The following TUT7 variants were observed in gnomAD, a reference collection of about 807,000 sequenced individuals.
The protein encoded by TUT7 is terminal uridylyltransferase 7.
TUT7 carries 33 observed loss-of-function variants against 165.9 expected under a neutral mutation model. The ratio of observed to expected loss-of-function variants is 0.20; its 90% CI spans 0.15 to 0.27. The LOEUF is 0.27. TUT7 is among the 10% of genes least tolerant of loss of function. The pLI, the probability that TUT7 is intolerant of heterozygous loss-of-function variation, is 1.00. For synonymous variants in TUT7, 552 were observed against 608.1 expected, an observed-to-expected ratio of 0.91 and a Z score of 1.36; for missense variants, 1,338 against 1,762.3, an observed-to-expected ratio of 0.76 and a Z score of 4.31.
intron 16 of TUT7, among the ~76,000 whole-genome samples, chr9:86,318,191 G>C (rs766833207): frequency 9.2e-5 from 14 of 152,170 alleles, no homozygotes; most frequent in Non-Finnish European, 1.6e-4. Flanking sequence ...GCACTTCCTA[G>C]ACTTTATACC....
chr9:86,305,320 C>G (rs1464696452), intron 22 of TUT7, 81 bp from the exon 23 acceptor site: 5 of 942,190 alleles, frequency 5.3e-6, no homozygotes, highest in Non-Finnish European at 8.0e-6. Context: ...GTTCATAAAA[C>G]AAGACAAGAA....
intron 26 of TUT7, among the ~76,000 whole-genome samples, chr9:86,295,941 T>A (rs1252793603): frequency 6.6e-6 from 1 of 152,220 alleles, no homozygotes; most frequent in Non-Finnish European, 1.5e-5. Flanking sequence ...TTTCTGAGAT[T>A]CTCATACTGA....
chr9:86,348,561 T>C (rs1054595083), intron 2 of TUT7, among the ~76,000 whole-genome samples: 5 of 152,026 alleles, frequency 3.3e-5, no homozygotes, highest in Non-Finnish European at 2.9e-5. Flanking sequence ...AAGACCAGCC[T>C]GGACAACATA....
rs1028784754 is a variant in TUT7, at chr9:86,304,943, T to G, written c.3891A>C (p.Thr1297=). ...NLGAGLSRKM[T]NFIMKAFING... ...TGATAAAAGCCTTCATTATAAAATT[T>G]GTCACTAAAAAGAAGAGTAAGAACT... Residue 1297 remains threonine (T), a synonymous_variant, in exon 24 of 27, where the codon ACA becomes ACC. Transcript: ENST00000375963. 2 of 1,602,172 alleles carry G rather than the reference T, an allele frequency of 1.2e-6. No individual in the cohort carries two copies. Among genetic ancestry groups the G allele is most frequent in the African/African-American group, 1.3e-5 (1 of 74,362 alleles).
At chr9:86,310,069 T>TA in intron 18 of TUT7, 52 bp from the exon 19 acceptor site, 2 of 1,341,758 alleles carry the variant, frequency 1.5e-6, no homozygotes, top group Non-Finnish European at 2.0e-6. Flanking sequence ...GTAAAGGGTC[T>TA]CTTTTTTTTT....
chr9:86,310,732 C>T lies in TUT7; in HGVS notation c.3352G>A (p.Val1118Ile). The T allele has an allele frequency of 1.2e-6, 2 of 1,611,466 alleles. No individual in the cohort carries two copies. The highest frequency in any genetic ancestry group is 1.7e-6 in the Non-Finnish European group (2 of 1,177,630). ...KFFHLRSGLEVDISLYNTLAL... is the reference protein window; with the variant it reads ...KFFHLRSGLEIDISLYNTLAL... ...AATGTGTTATACAAACTGATATCTA[C>T]TTCCAGACCACTTCTCAAATGGAAG... Residue 1118 changes from valine to isoleucine, a missense_variant, in exon 18 of 27, where the codon GTA becomes ATA. Physicochemically the swap from Val to Ile is conservative, Grantham distance 29. This residue lies in a region of TUT7 where 157 missense variants were observed against 357.5 expected (regional missense o/e 0.44). Transcript: ENST00000375963.
intron 10 of TUT7, among the ~76,000 whole-genome samples, chr9:86,333,659 C>T (rs748619891): frequency 6.6e-6 from 1 of 152,144 alleles, no homozygotes; most frequent in Non-Finnish European, 1.5e-5. Context: ...GCATATTAAT[C>T]ATTATTATTT....
At chr9:86,309,405 G>T in intron 20 of TUT7, 58 bp downstream of exon 20, 1 of 1,504,822 alleles carries the variant, frequency 6.6e-7, no homozygotes. Flanking sequence ...TAGAGGAGGA[G>T]AAAGGCTCAG....
intron 26 of TUT7, among the ~76,000 whole-genome samples, chr9:86,292,504 C>T (rs2131257259): frequency 6.7e-6 from 1 of 150,326 alleles, no homozygotes; most frequent in African/African-American, 2.4e-5. Context: ...GACTTAACCT[C>T]ATAATAATGG....
At chr9:86,328,315 C>A (rs1587955107) in intron 11 of TUT7, 25 bp downstream of exon 11, 1 of 1,535,590 alleles carries the variant, frequency 6.5e-7, no homozygotes, top group Non-Finnish European at 8.8e-7. Flanking sequence ...GTGAAACTGA[C>A]AACTAGAAAC....
intron 11 of TUT7, 28 bp from the exon 12 acceptor site, chr9:86,325,542 G>A (rs1361073964): frequency 6.3e-7 from 1 of 1,578,096 alleles, no homozygotes; most frequent in African/African-American, 1.4e-5. Flanking sequence ...AAACATACAG[G>A]TTATTTCAGA....
intron 2 of TUT7, among the ~76,000 whole-genome samples, chr9:86,348,085 T>C (rs929312968): frequency 1.4e-4 from 21 of 152,214 alleles, no homozygotes; most frequent in African/African-American, 4.8e-4. Flanking sequence ...CAGTAAGTGA[T>C]AGGGAACCGA....
At chr9:86,334,768 T>C (rs1484366797) in intron 10 of TUT7, among the ~76,000 whole-genome samples, 1 of 152,158 alleles carries the variant, frequency 6.6e-6, no homozygotes, top group Non-Finnish European at 1.5e-5. Flanking sequence ...TTATCTGTTA[T>C]CTTTCCTTTC....
chr9:86,294,249 C>T (rs1367946220), intron 26 of TUT7, among the ~76,000 whole-genome samples: 1 of 139,948 alleles, frequency 7.1e-6, no homozygotes, highest in Non-Finnish European at 1.5e-5. Context: ...CCAGCCAAAT[C>T]CTACTGTGGT....
intron 17 of TUT7, among the ~76,000 whole-genome samples, chr9:86,316,756 A>G (rs1828760769): frequency 6.6e-6 from 1 of 152,212 alleles, no homozygotes; most frequent in Middle Eastern, 3.2e-3. Flanking sequence ...CAATTATTCT[A>G]TGAATGAGCC....
chr9:86,304,989 A>G lies in TUT7; in HGVS notation c.3887-42T>C, dbSNP rs1268776857. On this transcript the variant is annotated intron_variant, in intron 23 of 26. Transcript: ENST00000375963. Reference sequence around the variant, plus strand: ...GAACTCACTTAGGCGGGTTAAAAGGAAAAGAGATTGTATTACAAATGACAA... The same window carrying G: ...GAACTCACTTAGGCGGGTTAAAAGGGAAAGAGATTGTATTACAAATGACAA... 2.1e-6 allele frequency: 3 copies of G among 1,431,850 alleles called. No individual in the cohort carries two copies. In the South Asian group the frequency reaches 3.6e-5, roughly 17 times the overall value. The allele number at this position is 1,431,850 out of a possible 1,614,324, so 88.7% of individuals were successfully genotyped here.
At chr9:86,324,676 A>G (rs768385012) in intron 12 of TUT7, 1 of 152,260 alleles carries the variant, frequency 6.6e-6, no homozygotes, top group Non-Finnish European at 1.5e-5. Context: ...AAATTATTTA[A>G]AGGAGGAGAA....
In TUT7 at chr9:86,288,203, C is replaced by T. The variant is rs1409502097; in HGVS notation, c.*474G>A. ...AAATGATGTCCGTAAATCGGAAGTA[C>T]AGCAGTAGCAGTTCATACATATCTG... is the stretch of plus-strand genomic sequence containing the variant. On this transcript the variant is annotated 3_prime_UTR_variant, in exon 27 of 27. Transcript: ENST00000375963. 2 of 152,366 alleles carry T rather than the reference C, an allele frequency of 1.3e-5. No homozygotes were observed. Among genetic ancestry groups the T allele is most frequent in the Non-Finnish European group, 2.9e-5 (2 of 68,178 alleles). The allele number at this position is 152,366 out of a possible 1,614,324, so 9.4% of individuals were successfully genotyped here.
intron 10 of TUT7, among the ~76,000 whole-genome samples, chr9:86,329,110 T>C (rs910628123): frequency 6.6e-6 from 1 of 152,250 alleles, no homozygotes; most frequent in Non-Finnish European, 1.5e-5. Context: ...AAATTTTATG[T>C]GCTATTAATG....
Sources: gnomAD v4.1 joint callset for allele counts (sites outside exome capture counted in the v4.1 genomes callset) on GRCh38, gnomAD v4.1.1 for gene constraint, gnomAD v4.1.1 regional missense constraint, MANE v1.5 for transcripts, NCBI Gene and HGNC (gene_info 2026-07-23, HGNC 2026-07-21) for gene names.